Variants in GPR158 observed in about 807,000 individuals in gnomAD.
GPR158 encodes the protein metabotropic glycine receptor.
Under a neutral mutation model 78.2 loss-of-function variants are expected in GPR158, and 30 were observed. The observed-to-expected ratio is 0.38, with a 90% CI of 0.29 to 0.52. The LOEUF (loss-of-function observed/expected upper bound fraction) is 0.52. Ranked by LOEUF, GPR158 falls within the 20% of genes least tolerant of loss-of-function variation. GPR158 has a pLI of 0.83. For synonymous variants in GPR158, 581 were observed against 591.1 expected, an observed-to-expected ratio of 0.98 and a Z score of 0.25; for missense variants, 1,463 against 1,523.5, an observed-to-expected ratio of 0.96 and a Z score of 0.66.
At chr10:25,455,958 C>T (rs1433130636) in intron 4 of GPR158, among the ~76,000 whole-genome samples, 2 of 152,068 alleles carry the variant, frequency 1.3e-5, no homozygotes, top group South Asian at 4.1e-4. Flanking sequence ...GTTCTTAATG[C>T]CCCCAAGTTT....
intron 2 of GPR158, among the ~76,000 whole-genome samples, chr10:25,387,015 C>T (rs115601696): frequency 0.029 from 4,367 of 152,122 alleles, 220 homozygotes; most frequent in African/African-American, 0.1. Flanking sequence ...TACTATGTTT[C>T]GTGAAAGTGG....
At position 25,175,344 on chromosome 10, in the gene GPR158, T is replaced by G; in HGVS notation, c.-77T>G. 1.2e-6 allele frequency: 1 copy of G among 867,188 alleles called. No individual in the cohort carries two copies. The highest frequency in any genetic ancestry group is 1.8e-6 in the Non-Finnish European group (1 of 549,098). 53.7% of individuals were successfully genotyped at this position (867,188 alleles called of 1,614,324 possible). A position where few individuals can be genotyped will look rare whatever the true frequency, so the allele number is the denominator to read the frequency against. ...GGAAGACTCCTCGAAAAAGTCTGAC[T>G]GTTGAGAAACTGACGATCCAAATTT... On this transcript the variant is annotated 5_prime_UTR_variant, in exon 1 of 11. Transcript: ENST00000376351. This position sits in a 1 kb window ranked among gnomAD's most constrained non-coding sequence, Gnocchi z 6.4.
chr10:25,421,589 G>T (rs1043052848), intron 4 of GPR158, among the ~76,000 whole-genome samples: 2 of 152,018 alleles, frequency 1.3e-5, no homozygotes, highest in Non-Finnish European at 2.9e-5. Context: ...ACTTCTAGAG[G>T]TTTATAATGG....
At chr10:25,568,382 A>T (rs572837464) in intron 6 of GPR158, among the ~76,000 whole-genome samples, 14 of 152,206 alleles carry the variant, frequency 9.2e-5, no homozygotes, top group Non-Finnish European at 1.5e-4. Flanking sequence ...AGAAGTCTGC[A>T]ATAGAGACTG....
chr10:25,250,798 G>T (rs1330105000), intron 2 of GPR158, among the ~76,000 whole-genome samples: 2 of 148,844 alleles, frequency 1.3e-5, no homozygotes, highest in Admixed American at 1.3e-4. Flanking sequence ...TGTTGATTTG[G>T]GGTGGAGAGT....
At chr10:25,358,956 T>C (rs1588822443) in intron 2 of GPR158, among the ~76,000 whole-genome samples, 1 of 152,118 alleles carries the variant, frequency 6.6e-6, no homozygotes, top group Non-Finnish European at 1.5e-5. Flanking sequence ...ATTAAGTTTT[T>C]TCTAGGTATC....
intron 3 of GPR158, among the ~76,000 whole-genome samples, chr10:25,403,988 T>C (rs554200199): frequency 1.3e-5 from 2 of 152,176 alleles, no homozygotes; most frequent in South Asian, 2.1e-4. Context: ...ATGTAAACTT[T>C]TAAACAATCA....
intron 5 of GPR158, among the ~76,000 whole-genome samples, chr10:25,503,234 G>A (rs1026579917): frequency 1.1e-4 from 16 of 151,656 alleles, no homozygotes; most frequent in African/African-American, 2.4e-4. Flanking sequence ...ATAATCAACC[G>A]GACATGGTTG....
At chr10:25,282,289 T>G (rs1248000122) in intron 2 of GPR158, among the ~76,000 whole-genome samples, 1 of 152,238 alleles carries the variant, frequency 6.6e-6, no homozygotes, top group Non-Finnish European at 1.5e-5. Flanking sequence ...TTCATTCATA[T>G]TGTTGTATGT....
chr10:25,517,271 G>A (rs1480019318), intron 5 of GPR158, among the ~76,000 whole-genome samples: 2 of 150,888 alleles, frequency 1.3e-5, no homozygotes, highest in Non-Finnish European at 1.5e-5. Context: ...GAGATTTTGG[G>A]CTGAGACAAT....
intron 2 of GPR158, among the ~76,000 whole-genome samples, chr10:25,313,142 CT>C (rs1219440828): frequency 6.7e-6 from 1 of 149,316 alleles, no homozygotes; most frequent in Admixed American, 6.8e-5. Flanking sequence ...GTGACCTTAC[CT>C]TTTTTCTAAT....
At chr10:25,509,682 C>T (rs1295379360) in intron 5 of GPR158, among the ~76,000 whole-genome samples, 1 of 152,104 alleles carries the variant, frequency 6.6e-6, no homozygotes, top group African/African-American at 2.4e-5. Context: ...AGAACACAAC[C>T]AGGTGTAAGC....
chr10:25,481,275 G>A (rs1393134740), intron 5 of GPR158, among the ~76,000 whole-genome samples: 1 of 152,122 alleles, frequency 6.6e-6, no homozygotes, highest in Non-Finnish European at 1.5e-5. Flanking sequence ...AAGCAGGCAT[G>A]CATTCCGCAG....
At chr10:25,368,355 A>T (rs935085167) in intron 2 of GPR158, among the ~76,000 whole-genome samples, 9 of 151,864 alleles carry the variant, frequency 5.9e-5, no homozygotes, top group African/African-American at 2.2e-4. Flanking sequence ...TTTGACAAAG[A>T]TCTTATATCT....
At chr10:25,516,887 G>C (rs1418579785) in intron 5 of GPR158, among the ~76,000 whole-genome samples, 2 of 137,182 alleles carry the variant, frequency 1.5e-5, no homozygotes, top group African/African-American at 3.0e-5. Flanking sequence ...CTTTAAAGTA[G>C]TTTTTTCCAA....
At chr10:25,417,485 C>G (rs541132668) in intron 4 of GPR158, among the ~76,000 whole-genome samples, 4 of 152,124 alleles carry the variant, frequency 2.6e-5, no homozygotes, top group Non-Finnish European at 4.4e-5. Flanking sequence ...TAAGCAGGTT[C>G]TATGCATGAA....
At chr10:25,515,989 G>A (rs1329917139) in intron 5 of GPR158, among the ~76,000 whole-genome samples, 21 of 150,404 alleles carry the variant, frequency 1.4e-4, no homozygotes, top group African/African-American at 3.9e-4. Context: ...CCCACCAACA[G>A]TGTAAAAGTG....
At chr10:25,211,171 T>C (rs1303095563) in intron 1 of GPR158, among the ~76,000 whole-genome samples, 2 of 152,024 alleles carry the variant, frequency 1.3e-5, no homozygotes, top group African/African-American at 4.8e-5. Flanking sequence ...TTAAAAAATT[T>C]CTGATGTTTT....
intron 1 of GPR158, among the ~76,000 whole-genome samples, chr10:25,178,204 G>A (rs1564383704): frequency 6.6e-6 from 1 of 152,056 alleles, no homozygotes; most frequent in Admixed American, 6.6e-5. Context: ...AAGCCCAGAG[G>A]GGTTCAGCTT....
Sources: allele counts gnomAD v4.1 joint callset (sites outside exome capture counted in the v4.1 genomes callset), GRCh38; gene constraint gnomAD v4.1.1; non-coding constraint Gnocchi (gnomAD v3.1); transcripts MANE v1.5; gene names NCBI Gene and HGNC (gene_info 2026-07-23, HGNC 2026-07-21).